The following EIF2B3 variants were observed in gnomAD, a reference collection of about 807,000 sequenced individuals.
EIF2B3 encodes the protein translation initiation factor eIF2B subunit gamma.
A neutral mutation model predicts 54.1 loss-of-function variants in EIF2B3; 20 were observed. That is an observed-to-expected ratio of 0.37 (90% CI 0.26 to 0.54). The LOEUF is 0.54. Among genes scored for constraint, EIF2B3 ranks in the 20% least tolerant of loss-of-function variants. EIF2B3 has a pLI of 0.86. For missense variants in EIF2B3, 448 were observed against 547.8 expected (o/e 0.82, Z 1.82); for synonymous variants, 153 against 188.1 (o/e 0.81, Z 1.52).
At chr1:44,890,688 T>A (rs1655766535) in intron 6 of EIF2B3, among the ~76,000 whole-genome samples, 1 of 152,120 alleles carries the variant, frequency 6.6e-6, no homozygotes. Flanking sequence ...GGGGTTGCAG[T>A]GTGGAGATCT....
chr1:44,894,490 T>C (rs1655901224), intron 6 of EIF2B3, among the ~76,000 whole-genome samples: 1 of 152,152 alleles, frequency 6.6e-6, no homozygotes, highest in Non-Finnish European at 1.5e-5. Flanking sequence ...AAGTATATAA[T>C]GAATGCCTTA....
chr1:44,886,160 A>T (rs1222790671), intron 6 of EIF2B3, among the ~76,000 whole-genome samples: 1 of 151,770 alleles, frequency 6.6e-6, no homozygotes, highest in African/African-American at 2.4e-5. Context: ...GTTCACTGCA[A>T]CCTCCGCCTC....
intron 4 of EIF2B3, among the ~76,000 whole-genome samples, chr1:44,931,854 C>T (rs764783037): frequency 3.7e-4 from 57 of 152,196 alleles, no homozygotes; most frequent in South Asian, 8.3e-4. Context: ...TGGTGGCTCA[C>T]GCCTATAATC....
At chr1:44,906,027 G>C (rs1034667369) in intron 5 of EIF2B3, among the ~76,000 whole-genome samples, 1 of 152,142 alleles carries the variant, frequency 6.6e-6, no homozygotes, top group African/African-American at 2.4e-5. Context: ...CCACTGACAA[G>C]AAGCTTCTAC....
intron 3 of EIF2B3, among the ~76,000 whole-genome samples, chr1:44,968,854 G>A (rs978750354): frequency 8.0e-5 from 12 of 149,596 alleles, no homozygotes; most frequent in Admixed American, 3.3e-4. Context: ...TTGAGATTGC[G>A]CCATGCACTC....
chr1:44,905,105 T>C (rs1643388767), intron 5 of EIF2B3, among the ~76,000 whole-genome samples: 1 of 152,182 alleles, frequency 6.6e-6, no homozygotes, highest in African/African-American at 2.4e-5. Context: ...TGCCTGATCT[T>C]GGTCACACTG....
At chr1:44,984,847 C>A (rs12406262) in intron 1 of EIF2B3, among the ~76,000 whole-genome samples, 1 of 122,814 alleles carries the variant, frequency 8.1e-6, no homozygotes, top group African/African-American at 3.2e-5. Flanking sequence ...TCGCCCAGGC[C>A]GGACTGCGGA....
intron 3 of EIF2B3, among the ~76,000 whole-genome samples, chr1:44,956,088 A>G (rs1161541537): frequency 6.6e-6 from 1 of 152,238 alleles, no homozygotes; most frequent in East Asian, 1.9e-4. Flanking sequence ...GGCACTGTTC[A>G]CAATAGCTAA....
At chr1:44,900,418 G>T (rs1180092463) in intron 5 of EIF2B3, among the ~76,000 whole-genome samples, 1 of 132,298 alleles carries the variant, frequency 7.6e-6, no homozygotes, top group African/African-American at 2.9e-5. Context: ...CTGCACTCCA[G>T]CCTGGGCAAC....
At chr1:44,913,109 TAA>T (rs552977811) in intron 5 of EIF2B3, among the ~76,000 whole-genome samples, 1,582 of 103,238 alleles carry the variant, frequency 0.015, 19 homozygotes, top group African/African-American at 0.037. Context: ...CGGTTTTTGT[TAA>T]AAAAAAAAAA....
intron 3 of EIF2B3, among the ~76,000 whole-genome samples, chr1:44,971,815 G>A (rs193165098): frequency 3.2e-4 from 48 of 150,718 alleles, no homozygotes; most frequent in African/African-American, 1.1e-3. Context: ...GGTGGATCAC[G>A]AGGTCAGGAG....
chr1:44,903,690 G>A (rs538214532), intron 5 of EIF2B3, among the ~76,000 whole-genome samples: 6 of 152,220 alleles, frequency 3.9e-5, no homozygotes, highest in African/African-American at 7.2e-5. Context: ...GAATGAGACC[G>A]TAAGAATTTC....
At chr1:44,924,193 G>A (rs1326878634) in intron 5 of EIF2B3, among the ~76,000 whole-genome samples, 1 of 152,022 alleles carries the variant, frequency 6.6e-6, no homozygotes, top group Non-Finnish European at 1.5e-5. Context: ...CCCCGCCTAG[G>A]CCTCCCAAAG....
At position 44,881,311 on chromosome 1, in the gene EIF2B3, A is replaced by C. The variant is rs1014475382; in HGVS notation, c.784+301T>G. ...TAGAGCCTAGAGAACAGGGGAACTA[A>C]GAAGTGGCAGGTGGAGTTTAAAGGC... On this transcript the variant is annotated intron_variant, in intron 7 of 11. Coordinates refer to ENST00000360403, the MANE Select transcript of EIF2B3 (RefSeq NM_020365.5). This position sits in a 1 kb window ranked among gnomAD's most constrained non-coding sequence, Gnocchi z 4.0. Among the ~76,000 whole-genome samples, 1 of 152,218 alleles carries C rather than the reference A, an allele frequency of 6.6e-6. No individual in the cohort carries two copies. The highest frequency in any genetic ancestry group is 1.5e-5 in the Non-Finnish European group (1 of 68,034).
intron 5 of EIF2B3, among the ~76,000 whole-genome samples, chr1:44,912,509 T>G (rs1643536420): frequency 6.6e-6 from 1 of 152,184 alleles, no homozygotes; most frequent in African/African-American, 2.4e-5. Context: ...CATCTCAGCC[T>G]TATCTCCTCA....
intron 6 of EIF2B3, among the ~76,000 whole-genome samples, chr1:44,882,258 C>G (rs187420085): frequency 1.8e-4 from 28 of 152,268 alleles, no homozygotes; most frequent in Admixed American, 1.8e-3. Flanking sequence ...TTAAGCTAAT[C>G]AGGTAGGCAA....
intron 3 of EIF2B3, among the ~76,000 whole-genome samples, chr1:44,945,755 T>A (rs1644095266): frequency 6.6e-6 from 1 of 152,120 alleles, no homozygotes; most frequent in African/African-American, 2.4e-5. Flanking sequence ...TTCACAGAGT[T>A]GTCATTACAA....
intron 3 of EIF2B3, among the ~76,000 whole-genome samples, chr1:44,945,991 TATC>T (rs1644097636): frequency 6.6e-6 from 1 of 152,212 alleles, no homozygotes. Flanking sequence ...TAAATGCTGT[TATC>T]ATTCGATATC....
chr1:44,865,836 G>A (rs917288978), intron 10 of EIF2B3, among the ~76,000 whole-genome samples: 6 of 152,158 alleles, frequency 3.9e-5, no homozygotes, highest in Non-Finnish European at 7.4e-5. Flanking sequence ...CCAAAATGCT[G>A]AGATTACAGG....
Sources: gnomAD v4.1 joint callset for allele counts (sites outside exome capture counted in the v4.1 genomes callset) on GRCh38, gnomAD v4.1.1 for gene constraint, Gnocchi (gnomAD v3.1) non-coding constraint, MANE v1.5 for transcripts, NCBI Gene and HGNC (gene_info 2026-07-23, HGNC 2026-07-21) for gene names.